TSHZ2: variants seen among roughly 807,000 people sequenced by gnomAD.
TSHZ2 encodes the protein teashirt homolog 2.
A neutral mutation model predicts 74.4 loss-of-function variants in TSHZ2; 21 were observed. The ratio of observed to expected loss-of-function variants is 0.28; its 90% confidence interval spans 0.20 to 0.41. TSHZ2 has a LOEUF of 0.41. TSHZ2 is among the 10% of genes least tolerant of loss of function. TSHZ2 has a pLI of 1.00. For synonymous variants in TSHZ2, 540 were observed against 515.3 expected, an observed-to-expected ratio of 1.05 and a Z score of -0.65; for missense variants, 1,244 against 1,293.5, an observed-to-expected ratio of 0.96 and a Z score of 0.59.
chr20:53,262,539 T>G (rs1990625014), intron 2 of TSHZ2, among the ~76,000 whole-genome samples: 1 of 152,194 alleles, frequency 6.6e-6, no homozygotes, highest in African/African-American at 2.4e-5. Flanking sequence ...AGGAACTTGA[T>G]TTGTCTGGCA....
intron 1 of TSHZ2, among the ~76,000 whole-genome samples, chr20:53,171,929 A>G (rs1403013742): frequency 6.6e-6 from 1 of 152,196 alleles, no homozygotes; most frequent in Non-Finnish European, 1.5e-5. Context: ...AGAAATTTAT[A>G]GGTAGAGTAA....
intron 2 of TSHZ2, among the ~76,000 whole-genome samples, chr20:53,312,972 T>G (rs1349895671): frequency 1.3e-5 from 2 of 152,214 alleles, no homozygotes; most frequent in Non-Finnish European, 2.9e-5. Flanking sequence ...TGGTTGTAAG[T>G]GAAATACAGA....
chr20:53,354,106 C>T (rs1289597581), intron 2 of TSHZ2, among the ~76,000 whole-genome samples: 1 of 152,208 alleles, frequency 6.6e-6, no homozygotes, highest in Non-Finnish European at 1.5e-5. Context: ...TTAACTACAT[C>T]ATTAGCCCTA....
chr20:53,276,402 C>A (rs1350049209), intron 2 of TSHZ2, among the ~76,000 whole-genome samples: 2 of 152,214 alleles, frequency 1.3e-5, no homozygotes. Context: ...GGGCACTCTG[C>A]CTGGGAATAT....
intron 1 of TSHZ2, among the ~76,000 whole-genome samples, chr20:53,208,942 A>G (rs1439954207): frequency 6.6e-6 from 1 of 152,070 alleles, no homozygotes; most frequent in Admixed American, 6.5e-5. Flanking sequence ...CCAAGTATGC[A>G]TTGCTTACTC....
chr20:53,441,862 G>A (rs531653696), intron 2 of TSHZ2, among the ~76,000 whole-genome samples: 22 of 152,332 alleles, frequency 1.4e-4, no homozygotes, highest in Admixed American at 1.1e-3. Context: ...TGTTACAGGC[G>A]TGAGCCATCA....
chr20:53,150,661 A>G (rs1020077279), intron 1 of TSHZ2, among the ~76,000 whole-genome samples: 6 of 151,996 alleles, frequency 3.9e-5, no homozygotes, highest in African/African-American at 1.4e-4. Context: ...AAAGAAGGAA[A>G]GAAAGAGAAA....
chr20:53,305,633 G>A (rs943749372), intron 2 of TSHZ2, among the ~76,000 whole-genome samples: 3 of 152,126 alleles, frequency 2.0e-5, no homozygotes, highest in Non-Finnish European at 4.4e-5. Flanking sequence ...CCTTGAACAT[G>A]CTTATTTTCA....
chr20:53,456,045 G>C (rs1249572621), intron 2 of TSHZ2, among the ~76,000 whole-genome samples: 1 of 152,072 alleles, frequency 6.6e-6, no homozygotes, highest in Non-Finnish European at 1.5e-5. Flanking sequence ...CTTTATAGCA[G>C]CATGATTTAT....
chr20:53,326,161 G>T (rs144328381), intron 2 of TSHZ2, among the ~76,000 whole-genome samples: 1 of 152,214 alleles, frequency 6.6e-6, no homozygotes, highest in Non-Finnish European at 1.5e-5. Flanking sequence ...CTTTGAGAAT[G>T]GGAGAGAGGA....
intron 1 of TSHZ2, among the ~76,000 whole-genome samples, chr20:53,037,544 CT>C (rs1372439445): frequency 6.6e-6 from 1 of 152,174 alleles, no homozygotes; most frequent in Non-Finnish European, 1.5e-5. Flanking sequence ...TTAAGTATTT[CT>C]GTATTTCCAT....
At chr20:53,230,472 C>T (rs1452359101) in intron 1 of TSHZ2, among the ~76,000 whole-genome samples, 1 of 152,178 alleles carries the variant, frequency 6.6e-6, no homozygotes, top group Non-Finnish European at 1.5e-5. Flanking sequence ...AAGGACACTC[C>T]CTCTTCTTTG....
intron 1 of TSHZ2, among the ~76,000 whole-genome samples, chr20:53,166,710 T>G (rs1293397): frequency 0.41 from 62,325 of 151,884 alleles, 14,068 homozygotes; most frequent in African/African-American, 0.61. Flanking sequence ...AGTAGAGGTT[T>G]CAGTGAGCCA....
chr20:53,255,522 C>T lies in TSHZ2; in HGVS notation c.2064C>T (p.Ala688=), dbSNP rs1990449764. The T allele has an allele frequency of 1.3e-6, 2 of 1,588,132 alleles. No homozygotes were observed. Among genetic ancestry groups the T allele is most frequent in the African/African-American group, 1.4e-5 (1 of 74,072 alleles). The change falls in exon 2 of 3, where the codon GCC becomes GCT. Residue 688 remains alanine (A), a synonymous_variant. Transcript: ENST00000371497. The surrounding 1 kb of genome is among the most constrained non-coding windows in gnomAD (Gnocchi z 4.1). The part of the protein sequence containing the change: ...NGCALANHAP[A]LPCINPLSAL... ...GCGCCCTCGCCAACCACGCCCCGGC[C>T]CTGCCATGCATCAACCCACTCAGCG...
chr20:53,128,220 G>C (rs1286359790), intron 1 of TSHZ2, among the ~76,000 whole-genome samples: 1 of 152,204 alleles, frequency 6.6e-6, no homozygotes, highest in East Asian at 1.9e-4. Flanking sequence ...TTCTTCCACT[G>C]AAGAGGCTCA....
At chr20:53,362,268 T>C (rs1027670662) in intron 2 of TSHZ2, among the ~76,000 whole-genome samples, 1 of 151,416 alleles carries the variant, frequency 6.6e-6, no homozygotes, top group African/African-American at 2.4e-5. Flanking sequence ...CACTGCAAGC[T>C]CCGCCTCCCA....
chr20:53,317,627 G>A (rs753030838), intron 2 of TSHZ2, among the ~76,000 whole-genome samples: 10 of 152,180 alleles, frequency 6.6e-5, no homozygotes, highest in Non-Finnish European at 1.5e-4. Flanking sequence ...CCAGCAGCAC[G>A]TTCCAGGGCA....
At chr20:53,130,781 G>A (rs548853025) in intron 1 of TSHZ2, among the ~76,000 whole-genome samples, 36 of 152,302 alleles carry the variant, frequency 2.4e-4, no homozygotes, top group Middle Eastern at 6.8e-3. Flanking sequence ...ATTCATCGGC[G>A]TTGTTACCTT....
intron 2 of TSHZ2, among the ~76,000 whole-genome samples, chr20:53,415,522 C>G (rs1201151175): frequency 6.6e-6 from 1 of 151,930 alleles, no homozygotes; most frequent in Non-Finnish European, 1.5e-5. Flanking sequence ...CTCTACAGGC[C>G]TCCCACCTAG....
Sources: gnomAD v4.1 joint callset for allele counts (sites outside exome capture counted in the v4.1 genomes callset) on GRCh38, gnomAD v4.1.1 for gene constraint, Gnocchi (gnomAD v3.1) non-coding constraint, MANE v1.5 for transcripts, NCBI Gene and HGNC (gene_info 2026-07-23, HGNC 2026-07-21) for gene names.